Variants in ST7 observed in about 807,000 individuals in gnomAD.
The protein encoded by ST7 is suppressor of tumorigenicity 7 protein.
A neutral mutation model predicts 78.7 loss-of-function variants in ST7; 28 were observed. The ratio of observed to expected loss-of-function variants is 0.36; its 90% CI spans 0.26 to 0.49. The LOEUF (loss-of-function observed/expected upper bound fraction) is 0.49. Ranked by LOEUF, ST7 falls within the 20% of genes least tolerant of loss-of-function variation. The pLI is 0.99. For missense variants in ST7, 418 were observed against 696.0 expected, an observed-to-expected ratio of 0.60 and a Z score of 4.49; for synonymous variants, 247 against 249.6, an observed-to-expected ratio of 0.99 and a Z score of 0.10.
intron 12 of ST7, among the ~76,000 whole-genome samples, chr7:117,193,034 A>G (rs1011295744): frequency 1.3e-5 from 2 of 152,116 alleles, no homozygotes; most frequent in African/African-American, 4.8e-5. Flanking sequence ...CTCTTCGTCT[A>G]TCAGAATTTC....
rs980145050 is a variant in ST7 at position 117,119,451 on chromosome 7, A to C, written c.235-110A>C. On this transcript the variant is annotated intron_variant, in intron 2 of 15. Transcript: ENST00000323984. ...ATTTTTAGAATAAACAGTTTTTGAA[A>C]TAAAATATACTTAAGGTGGAATTAG... is the stretch of plus-strand genomic sequence containing the variant. 8.3e-5 allele frequency: 90 copies of C among 1,080,828 alleles called. No homozygotes were observed. In the African/African-American group the frequency reaches 1.3e-3, roughly 15 times the overall value. 67.0% of individuals were successfully genotyped at this position (1,080,828 alleles called of 1,614,324 possible).
intron 1 of ST7, among the ~76,000 whole-genome samples, chr7:116,998,161 C>T (rs1794756708): frequency 6.6e-6 from 1 of 152,212 alleles, no homozygotes. Context: ...CAGCTGAGGC[C>T]CAGCGAGAAT....
chr7:117,221,852 C>A, intron 14 of ST7, 71 bp from the exon 15 acceptor site: 1 of 1,473,706 alleles, frequency 6.8e-7, no homozygotes, highest in African/African-American at 1.4e-5. Context: ...GAGTCAGTGC[C>A]ACCATAAAGA....
intron 1 of ST7, chr7:116,955,173 T>C (rs570448076): frequency 2.2e-6 from 1 of 461,018 alleles, no homozygotes; most frequent in Admixed American, 2.6e-5. Flanking sequence ...CAGGATACCT[T>C]CTGGTCTCAA....
Position 117,142,338 on chromosome 7 carries a change from G to C in ST7, c.963+3806G>C, listed in dbSNP as rs553492592. ...CTGTGCTTCAGTCATTCGGTCTAGA[G>C]CAGGATTTCTCAGCCTCAGCACTGT... is the stretch of plus-strand genomic sequence containing the variant. On this transcript the variant is annotated intron_variant, in intron 9 of 15. Coordinates refer to ENST00000323984, the MANE Select transcript of ST7 (RefSeq NM_001369598.1). Among the ~76,000 whole-genome samples, 130 of 152,236 alleles carry C rather than the reference G, an allele frequency of 8.5e-4. 1 individual carries two copies. Among genetic ancestry groups the C allele is most frequent in the African/African-American group, 3.1e-3 (127 of 41,552 alleles).
At chr7:117,103,668 G>T (rs1470301059) in intron 2 of ST7, among the ~76,000 whole-genome samples, 1 of 152,166 alleles carries the variant, frequency 6.6e-6, no homozygotes, top group East Asian at 1.9e-4. Context: ...TTGGGGAAAT[G>T]CTCCAGAACA....
chr7:117,070,744 G>C (rs1026598306), intron 1 of ST7, among the ~76,000 whole-genome samples: 1 of 151,646 alleles, frequency 6.6e-6, no homozygotes, highest in African/African-American at 2.4e-5. Flanking sequence ...GGGGTTTCAC[G>C]GTGTTAGCCA....
chr7:116,977,990 G>A (rs1444336035), intron 1 of ST7, among the ~76,000 whole-genome samples: 1 of 152,158 alleles, frequency 6.6e-6, no homozygotes, highest in Non-Finnish European at 1.5e-5. Flanking sequence ...GCCCTCCTCT[G>A]GCTTCTACTT....
At position 117,134,175 on chromosome 7, in the gene ST7, G is replaced by A; in HGVS notation, c.693G>A (p.Glu231=). The change falls in exon 7 of 16, where the codon GAG becomes GAA. Residue 231 remains glutamate (E), a synonymous_variant. Transcript: ENST00000323984. ...VPLIASSTIW[E]IKLLPKCATA... The stretch of plus-strand genomic sequence containing the variant: ...TAATTGCTTCCTCTACCATCTGGGA[G>A]ATAAAATTGTTACCAAAGTAAGTCA... 6.2e-7 allele frequency: 1 copy of A among 1,612,016 alleles called. No individual in the cohort carries two copies. Among genetic ancestry groups the A allele is most frequent in the Non-Finnish European group, 8.5e-7 (1 of 1,178,754 alleles).
intron 14 of ST7, among the ~76,000 whole-genome samples, chr7:117,220,513 A>G (rs1237685971): frequency 6.6e-6 from 1 of 152,188 alleles, no homozygotes; most frequent in East Asian, 1.9e-4. Flanking sequence ...AAATGTTTTA[A>G]TCGAGTCCAA....
At chr7:117,062,010 TTCAAGA>T (rs2116447834) in intron 1 of ST7, among the ~76,000 whole-genome samples, 1 of 152,238 alleles carries the variant, frequency 6.6e-6, no homozygotes, top group East Asian at 1.9e-4. Context: ...GGTTGGGAAG[TTCAAGA>T]TCAAGATGCC....
chr7:117,042,589 C>T (rs1472062990), intron 1 of ST7, among the ~76,000 whole-genome samples: 2 of 152,140 alleles, frequency 1.3e-5, no homozygotes, highest in African/African-American at 2.4e-5. Context: ...ATTCCAAACA[C>T]GGTGGCATGA....
chr7:117,116,008 A>C (rs1391349686), intron 2 of ST7, among the ~76,000 whole-genome samples: 1 of 152,170 alleles, frequency 6.6e-6, no homozygotes, highest in Non-Finnish European at 1.5e-5. Flanking sequence ...TTAGAAAACT[A>C]AGCCCCAAGG....
At chr7:116,991,884 A>G (rs1267843656) in intron 1 of ST7, among the ~76,000 whole-genome samples, 2 of 152,196 alleles carry the variant, frequency 1.3e-5, no homozygotes, top group African/African-American at 2.4e-5. Flanking sequence ...AGCCATTCCA[A>G]TGGGAGAAAT....
chr7:117,062,362 C>CT (rs1429564296), intron 1 of ST7, among the ~76,000 whole-genome samples: 1 of 152,314 alleles, frequency 6.6e-6, no homozygotes, highest in East Asian at 1.9e-4. Context: ...CTATCTTATA[C>CT]TTTTTCAGCC....
At chr7:117,056,315 A>C (rs1429390471) in intron 1 of ST7, among the ~76,000 whole-genome samples, 2 of 152,166 alleles carry the variant, frequency 1.3e-5, no homozygotes, top group Non-Finnish European at 2.9e-5. Flanking sequence ...TCTTGCTCAG[A>C]GTTGTGAGAG....
Position 117,119,731 on chromosome 7 carries a change from T to G in ST7, c.394+11T>G. On this transcript the variant is annotated intron_variant, in intron 3 of 15. Transcript: ENST00000323984. ...GGCAAAGTGTCTCAGGTATGGAATT[T>G]CCTTCAGTTTGCAATATTATTTGCT... 1 of 1,609,130 alleles carries G rather than the reference T, an allele frequency of 6.2e-7. No homozygotes were observed. The highest frequency in any genetic ancestry group is 8.5e-7 in the Non-Finnish European group (1 of 1,179,052).
intron 1 of ST7, among the ~76,000 whole-genome samples, chr7:116,992,525 T>G (rs1794475813): frequency 6.6e-6 from 1 of 152,210 alleles, no homozygotes; most frequent in South Asian, 2.1e-4. Flanking sequence ...GTCCCTAGAC[T>G]GCACACAGCA....
intron 3 of ST7, among the ~76,000 whole-genome samples, chr7:117,129,060 T>C (rs970562191): frequency 4.7e-4 from 72 of 151,866 alleles, no homozygotes; most frequent in African/African-American, 1.7e-3. Context: ...AGTCTTAAAG[T>C]TAATGCTTGG....
Sources: gnomAD v4.1 joint callset for allele counts (sites outside exome capture counted in the v4.1 genomes callset) on GRCh38, gnomAD v4.1.1 for gene constraint, MANE v1.5 for transcripts, NCBI Gene and HGNC (gene_info 2026-07-23, HGNC 2026-07-21) for gene names.